UPF2: variants seen among roughly 807,000 people sequenced by gnomAD.
UPF2 encodes the protein regulator of nonsense transcripts 2.
Under a neutral mutation model 141.4 loss-of-function variants are expected in UPF2, and 17 were observed. The ratio of observed to expected loss-of-function variants is 0.12; its 90% confidence interval spans 0.08 to 0.18. UPF2 has a LOEUF of 0.18. UPF2 is among the 10% of genes least tolerant of loss of function. UPF2 has a pLI of 1.00. For missense variants in UPF2, 1,152 were observed against 1,515.9 expected, an observed-to-expected ratio of 0.76 and a Z score of 3.99; for synonymous variants, 540 against 498.0, an observed-to-expected ratio of 1.08 and a Z score of -1.12.
At chr10:11,977,478 C>T (rs980753237) in intron 9 of UPF2, among the ~76,000 whole-genome samples, 4 of 152,058 alleles carry the variant, frequency 2.6e-5, no homozygotes, top group Non-Finnish European at 1.5e-5. Flanking sequence ...CAACTCTCAC[C>T]CCCATTTTCA....
At chr10:11,982,036 T>TA (rs34301046) in intron 8 of UPF2, among the ~76,000 whole-genome samples, 81,002 of 148,330 alleles carry the variant, frequency 0.55, 22,865 homozygotes, top group South Asian at 0.65. Flanking sequence ...TTCCTACTAT[T>TA]AAAAAAAAAA....
intron 16 of UPF2, among the ~76,000 whole-genome samples, chr10:11,944,149 A>G (rs965584381): frequency 2.6e-5 from 4 of 152,144 alleles, no homozygotes; most frequent in South Asian, 2.1e-4. Flanking sequence ...CCAAAACCCC[A>G]ACAGTGTATA....
In UPF2 at chr10:11,940,786, A is replaced by C. The variant is rs559804498; in HGVS notation, c.3378+1879T>G. ...CCTTCTGTCCAGGCTCCCTGCTTTTAGCCTTGCCCTGGTGGGTACCTCTGC... is the reference window on the plus strand; with the variant it reads ...CCTTCTGTCCAGGCTCCCTGCTTTTCGCCTTGCCCTGGTGGGTACCTCTGC... On this transcript the variant is annotated intron_variant, in intron 18 of 21. Transcript: ENST00000357604. This position sits in a 1 kb window ranked among gnomAD's most constrained non-coding sequence, Gnocchi z 4.2. 6.6e-6 allele frequency among the ~76,000 whole-genome samples: 1 copy of C among 152,342 alleles called. No homozygotes were observed. The highest frequency in any genetic ancestry group is 1.9e-4 in the East Asian group (1 of 5,180).
chr10:11,946,315 C>T (rs1437159561), intron 16 of UPF2, among the ~76,000 whole-genome samples: 3 of 152,142 alleles, frequency 2.0e-5, no homozygotes, highest in Admixed American at 2.0e-4. Flanking sequence ...CCGTAGAAAA[C>T]TTTAATCACC....
chr10:12,003,003 G>A (rs1434234420), intron 5 of UPF2, among the ~76,000 whole-genome samples: 1 of 152,142 alleles, frequency 6.6e-6, no homozygotes, highest in African/African-American at 2.4e-5. Flanking sequence ...GATACTTGAT[G>A]TCATATCTTA....
rs1832851911 is a variant in UPF2, at chr10:11,936,450, T to C, written c.3546+95A>G. On this transcript the variant is annotated intron_variant, in intron 19 of 21. Transcript: ENST00000357604. This position sits in a 1 kb window ranked among gnomAD's most constrained non-coding sequence, Gnocchi z 6.6. ...ATTCTACCACTGAATGGTTTAAAAC[T>C]GTCCAACCCTTATCCCCTTGTAGGT... 3.1e-6 allele frequency: 4 copies of C among 1,300,504 alleles called. No homozygotes were observed. In the Admixed American group the frequency reaches 1.1e-4, roughly 35 times the overall value. 80.6% of individuals were successfully genotyped at this position (1,300,504 alleles called of 1,614,324 possible).
At chr10:12,032,680 G>A (rs1375755888) in intron 2 of UPF2, among the ~76,000 whole-genome samples, 3 of 150,952 alleles carry the variant, frequency 2.0e-5, no homozygotes, top group Non-Finnish European at 4.4e-5. Flanking sequence ...AGAGATCGCA[G>A]TGAGCCAAGA....
chr10:12,028,689 T>C, intron 3 of UPF2, 56 bp downstream of exon 3: 1 of 1,512,150 alleles, frequency 6.6e-7, no homozygotes, highest in Non-Finnish European at 8.8e-7. Context: ...CTTTAAACAT[T>C]TTTAAGTATG....
Position 11,959,904 on chromosome 10 carries a change from G to A in UPF2, c.2185-548C>T, listed in dbSNP as rs929581785. 6.6e-6 allele frequency among the ~76,000 whole-genome samples: 1 copy of A among 152,120 alleles called. No homozygotes were observed. Among genetic ancestry groups the A allele is most frequent in the Admixed American group, 6.5e-5 (1 of 15,272 alleles). ...CTAGCCCGTGCCTACTTAGCCTTAC[G>A]TTTCATCCAATAAAATACTAGAGAA... is the stretch of plus-strand genomic sequence containing the variant. On this transcript the variant is annotated intron_variant, in intron 11 of 21. Transcript: ENST00000357604. This position sits in a 1 kb window ranked among gnomAD's most constrained non-coding sequence, Gnocchi z 5.9.
chr10:11,972,673 G>A (rs1437759279), intron 9 of UPF2, among the ~76,000 whole-genome samples: 1 of 152,128 alleles, frequency 6.6e-6, no homozygotes, highest in Non-Finnish European at 1.5e-5. Flanking sequence ...CAGAATGATG[G>A]TTTCCAGCTT....
chr10:12,034,217 A>G (rs1312310018), intron 2 of UPF2, among the ~76,000 whole-genome samples: 2 of 152,230 alleles, frequency 1.3e-5, no homozygotes, highest in East Asian at 3.8e-4. Context: ...ATTCTGTACA[A>G]TGCCTGATAG....
At chr10:11,924,005 C>T (rs1456958580) in intron 21 of UPF2, among the ~76,000 whole-genome samples, 1 of 152,138 alleles carries the variant, frequency 6.6e-6, no homozygotes, top group Non-Finnish European at 1.5e-5. Flanking sequence ...TGAATTAGTA[C>T]CATCTAAGCC....
intron 4 of UPF2, among the ~76,000 whole-genome samples, chr10:12,005,629 C>A (rs937587169): frequency 3.3e-5 from 5 of 152,094 alleles, no homozygotes; most frequent in African/African-American, 4.8e-5. Context: ...AGTACAATGG[C>A]GCAACATCAG....
In UPF2 at chr10:11,999,990, G is replaced by T; in HGVS notation, c.1674C>A (p.Ala558=). The change falls in exon 7 of 22, where the codon GCC becomes GCA. Residue 558 remains alanine (A), a synonymous_variant. Transcript: ENST00000357604. ...TGAGCTTGAGATGAGATCCAGTGCT[G>T]GCTTCCTCATCTTCTTGTTCTAATG... is the stretch of plus-strand genomic sequence containing the variant. The part of the protein sequence containing the change: ...LDEQEQEDEE[A]STGSHLKLIV... 1 of 1,607,044 alleles carries T rather than the reference G, an allele frequency of 6.2e-7. No individual in the cohort carries two copies.
chr10:12,030,943 G>A (rs1038827056), intron 2 of UPF2, among the ~76,000 whole-genome samples: 4 of 151,418 alleles, frequency 2.6e-5, no homozygotes, highest in African/African-American at 9.7e-5. Flanking sequence ...GGGAGGCCGA[G>A]GCGGGTGGAT....
At chr10:12,001,154 C>A (rs1833945248) in intron 6 of UPF2, among the ~76,000 whole-genome samples, 1 of 152,154 alleles carries the variant, frequency 6.6e-6, no homozygotes, top group East Asian at 1.9e-4. Flanking sequence ...GTGGCTCATG[C>A]CTGTAATCCC....
intron 5 of UPF2, among the ~76,000 whole-genome samples, chr10:12,003,600 C>T (rs893745581): frequency 2.6e-5 from 4 of 152,174 alleles, no homozygotes; most frequent in Non-Finnish European, 2.9e-5. Flanking sequence ...TATTCAAGGA[C>T]ATCAGGTAGG....
intron 1 of UPF2, among the ~76,000 whole-genome samples, chr10:12,037,669 A>G (rs773527283): frequency 1.1e-4 from 17 of 152,046 alleles, no homozygotes; most frequent in Non-Finnish European, 2.2e-4. Context: ...CAGGATTACA[A>G]GCATGAGCCA....
At chr10:11,933,481 T>G (rs1832806178) in intron 19 of UPF2, among the ~76,000 whole-genome samples, 1 of 152,170 alleles carries the variant, frequency 6.6e-6, no homozygotes, top group African/African-American at 2.4e-5. Flanking sequence ...TAATAATATA[T>G]CCTTAAAAAT....
Sources: allele counts gnomAD v4.1 joint callset (sites outside exome capture counted in the v4.1 genomes callset), GRCh38; gene constraint gnomAD v4.1.1; non-coding constraint Gnocchi (gnomAD v3.1); transcripts MANE v1.5; gene names NCBI Gene and HGNC (gene_info 2026-07-23, HGNC 2026-07-21).